CADM1: variants seen among roughly 807,000 people sequenced by gnomAD.
The protein encoded by CADM1 is cell adhesion molecule 1.
In CADM1, 15 loss-of-function variants were observed where a neutral mutation model predicts 53.1. The ratio of observed to expected loss-of-function variants is 0.28; its 90% CI spans 0.19 to 0.44. The LOEUF is 0.44. Among genes scored for constraint, CADM1 ranks in the 20% least tolerant of loss-of-function variants. CADM1 has a pLI of 1.00. For missense variants in CADM1, 434 were observed against 611.3 expected (o/e 0.71, Z 3.06); for synonymous variants, 281 against 243.0 (o/e 1.16, Z -1.45).
intron 1 of CADM1, among the ~76,000 whole-genome samples, chr11:115,338,266 A>C (rs1186835542): frequency 6.6e-6 from 1 of 152,186 alleles, no homozygotes; most frequent in Non-Finnish European, 1.5e-5. Context: ...AACCATTGTT[A>C]AATATCTTTT....
intron 1 of CADM1, among the ~76,000 whole-genome samples, chr11:115,502,313 C>A (rs1168565162): frequency 6.8e-6 from 1 of 146,022 alleles, no homozygotes; most frequent in Non-Finnish European, 1.5e-5. Context: ...CCACAGCTTT[C>A]CACCGCCCCC....
At chr11:115,308,998 G>T (rs2135156960) in intron 1 of CADM1, among the ~76,000 whole-genome samples, 1 of 152,114 alleles carries the variant, frequency 6.6e-6, no homozygotes, top group East Asian at 1.9e-4. Context: ...CTACAAACTG[G>T]CAAGAAACAT....
chr11:115,256,421 A>AT (rs1942789856), intron 1 of CADM1, among the ~76,000 whole-genome samples: 1 of 152,226 alleles, frequency 6.6e-6, no homozygotes, highest in African/African-American at 2.4e-5. Flanking sequence ...CTTAATGAAT[A>AT]TCCATGGATC....
chr11:115,324,151 T>A lies in CADM1; in HGVS notation c.125-83731A>T, dbSNP rs527723311. ...AACAATGGGGAACAACTTAACTCAG[T>A]GATATAGTTATGAGATGCTAATGAA... On this transcript the variant is annotated intron_variant, in intron 1 of 11. Transcript: ENST00000331581. Among the ~76,000 whole-genome samples, 50 of 152,302 alleles carry A rather than the reference T, an allele frequency of 3.3e-4. 1 individual carries two copies. The highest frequency in any genetic ancestry group is 2.4e-3 in the Admixed American group (36 of 15,300).
At position 115,390,434 on chromosome 11, in the gene CADM1, A is replaced by G. The variant is rs557276902; in HGVS notation, c.124+113837T>C. Among the ~76,000 whole-genome samples the G allele has an allele frequency of 1.9e-3, 282 of 151,972 alleles. 2 individuals are homozygous for G. The highest frequency in any genetic ancestry group is 6.8e-3 in the Middle Eastern group (2 of 294). ...AGAGAGAGAAGGAGAGAGGAAGTGT[A>G]GAGGAATATAGGAAGAAGAGAAGTA... On this transcript the variant is annotated intron_variant, in intron 1 of 11. Transcript: ENST00000331581.
At chr11:115,394,703 A>G (rs1025696351) in intron 1 of CADM1, among the ~76,000 whole-genome samples, 7 of 152,180 alleles carry the variant, frequency 4.6e-5, no homozygotes, top group Admixed American at 1.3e-4. Context: ...GTGGAACCCA[A>G]TGTCAAAAAC....
chr11:115,210,799 A>T (rs1044934541), intron 7 of CADM1, among the ~76,000 whole-genome samples: 6 of 152,178 alleles, frequency 3.9e-5, no homozygotes, highest in African/African-American at 1.4e-4. Context: ...AGTTTATAGA[A>T]ATATTATTTT....
At chr11:115,291,796 C>T (rs983804224) in intron 1 of CADM1, among the ~76,000 whole-genome samples, 1 of 149,428 alleles carries the variant, frequency 6.7e-6, no homozygotes, top group African/African-American at 2.5e-5. Flanking sequence ...ACTACACAGT[C>T]AGAGAAATCT....
At chr11:115,483,804 T>G (rs1349288377) in intron 1 of CADM1, among the ~76,000 whole-genome samples, 2 of 152,194 alleles carry the variant, frequency 1.3e-5, no homozygotes, top group African/African-American at 4.8e-5. Context: ...GATTAAAAAT[T>G]CAGCCCCTTA....
intron 1 of CADM1, among the ~76,000 whole-genome samples, chr11:115,418,968 A>T (rs1947685158): frequency 1.3e-5 from 2 of 152,202 alleles, no homozygotes; most frequent in South Asian, 2.1e-4. Flanking sequence ...AAGAAAGGAA[A>T]AGGAATCTGA....
intron 1 of CADM1, among the ~76,000 whole-genome samples, chr11:115,477,810 A>G (rs1418601322): frequency 1.3e-5 from 2 of 152,240 alleles, no homozygotes; most frequent in Non-Finnish European, 2.9e-5. Flanking sequence ...AGAGCCTGGG[A>G]CCAAACACAC....
At chr11:115,203,399 G>A (rs144176702) in intron 8 of CADM1, among the ~76,000 whole-genome samples, 116 of 152,280 alleles carry the variant, frequency 7.6e-4, no homozygotes, top group African/African-American at 2.6e-3. Context: ...ATGTTGCCAC[G>A]AGGGTAGTGA....
chr11:115,241,938 T>C (rs925733984), intron 1 of CADM1, among the ~76,000 whole-genome samples: 2 of 150,910 alleles, frequency 1.3e-5, no homozygotes, highest in African/African-American at 2.4e-5. Flanking sequence ...GGAAGGTTTC[T>C]ACCTGCTATC....
chr11:115,286,627 T>C (rs1397001681), intron 1 of CADM1, among the ~76,000 whole-genome samples: 1 of 152,216 alleles, frequency 6.6e-6, no homozygotes, highest in Non-Finnish European at 1.5e-5. Flanking sequence ...CATGGCTGCT[T>C]AGGATTTCTA....
chr11:115,310,001 G>A (rs901296858), intron 1 of CADM1, among the ~76,000 whole-genome samples: 1 of 151,934 alleles, frequency 6.6e-6, no homozygotes, highest in African/African-American at 2.4e-5. Context: ...AGAATGGCAT[G>A]GTACAAACTA....
intron 1 of CADM1, among the ~76,000 whole-genome samples, chr11:115,465,266 A>G (rs543570636): frequency 1.1e-4 from 16 of 152,276 alleles, no homozygotes; most frequent in Non-Finnish European, 2.1e-4. Flanking sequence ...AAACAAGATT[A>G]CTGCAGCAAG....
chr11:115,486,730 A>G (rs1949381372), intron 1 of CADM1, among the ~76,000 whole-genome samples: 1 of 152,144 alleles, frequency 6.6e-6, no homozygotes, highest in South Asian at 2.1e-4. Flanking sequence ...CTCACTAGCC[A>G]TTTTAGTTTT....
At chr11:115,444,286 T>TA (rs1236159521) in intron 1 of CADM1, among the ~76,000 whole-genome samples, 1 of 152,166 alleles carries the variant, frequency 6.6e-6, no homozygotes, top group Non-Finnish European at 1.5e-5. Flanking sequence ...GTACATGTAA[T>TA]AAGGCTACAG....
chr11:115,189,120 C>A (rs1939718965), intron 10 of CADM1, among the ~76,000 whole-genome samples: 1 of 152,060 alleles, frequency 6.6e-6, no homozygotes, highest in South Asian at 2.1e-4. Flanking sequence ...AGTGTTCCTG[C>A]AGGGAGTGGG....
Sources: allele counts gnomAD v4.1 joint callset (sites outside exome capture counted in the v4.1 genomes callset), GRCh38; gene constraint gnomAD v4.1.1; transcripts MANE v1.5; gene names NCBI Gene and HGNC (gene_info 2026-07-23, HGNC 2026-07-21).